The following PTPRD variants were observed in gnomAD, a reference collection of about 807,000 sequenced individuals.
PTPRD encodes the protein protein tyrosine phosphatase receptor type D.
PTPRD carries 34 observed loss-of-function variants against 214.5 expected under a neutral mutation model. The ratio of observed to expected loss-of-function variants is 0.16; its 90% CI spans 0.12 to 0.21. PTPRD has a LOEUF of 0.21. Among genes scored for constraint, PTPRD ranks in the 10% least tolerant of loss-of-function variants. PTPRD has a pLI of 1.00. For synonymous variants in PTPRD, 1,128 were observed against 845.7 expected, an observed-to-expected ratio of 1.33 and a Z score of -5.79; for missense variants, 2,545 against 2,398.7, an observed-to-expected ratio of 1.06 and a Z score of -1.27.
intron 5 of PTPRD, among the ~76,000 whole-genome samples, chr9:9,819,116 A>G (rs1316588734): frequency 6.6e-6 from 1 of 152,028 alleles, no homozygotes. Flanking sequence ...TGATCTACTG[A>G]GCTTGCTGGG....
chr9:8,537,137 A>G (rs1194838699), intron 14 of PTPRD, among the ~76,000 whole-genome samples: 1 of 152,042 alleles, frequency 6.6e-6, no homozygotes, highest in Non-Finnish European at 1.5e-5. Flanking sequence ...TTCAAAGTCA[A>G]TTTTCCTGTA....
chr9:9,169,146 T>C (rs966118718), intron 10 of PTPRD, among the ~76,000 whole-genome samples: 6 of 152,044 alleles, frequency 3.9e-5, no homozygotes, highest in African/African-American at 1.4e-4. Flanking sequence ...GTTTGCTTAA[T>C]AAATCTTATA....
At chr9:9,216,755 T>G (rs1173242654) in intron 9 of PTPRD, among the ~76,000 whole-genome samples, 2 of 152,122 alleles carry the variant, frequency 1.3e-5, no homozygotes, top group Non-Finnish European at 2.9e-5. Flanking sequence ...AACCCTCTCC[T>G]CTTTATTGAA....
intron 4 of PTPRD, among the ~76,000 whole-genome samples, chr9:10,018,010 T>C (rs188134136): frequency 7.2e-4 from 109 of 152,300 alleles, no homozygotes; most frequent in African/African-American, 2.6e-3. Context: ...GTTATTATTT[T>C]TAGTTTTAAC....
chr9:9,023,287 G>T (rs545658154), intron 10 of PTPRD, among the ~76,000 whole-genome samples: 2 of 152,050 alleles, frequency 1.3e-5, no homozygotes, highest in Admixed American at 1.3e-4. Flanking sequence ...ATTTCATTTA[G>T]AATTTTCCAA....
intron 2 of PTPRD, among the ~76,000 whole-genome samples, chr9:10,461,114 T>C (rs1348278580): frequency 1.3e-5 from 2 of 151,798 alleles, no homozygotes; most frequent in East Asian, 1.9e-4. Context: ...AAAGATGACA[T>C]AAAAATGTCT....
chr9:8,799,522 G>T (rs1264248282), intron 11 of PTPRD, among the ~76,000 whole-genome samples: 2 of 152,182 alleles, frequency 1.3e-5, no homozygotes, highest in Non-Finnish European at 1.5e-5. Flanking sequence ...TAGGGAAGAG[G>T]AAGGAAGTGT....
chr9:9,834,979 T>G (rs894753838), intron 5 of PTPRD, among the ~76,000 whole-genome samples: 3 of 152,030 alleles, frequency 2.0e-5, no homozygotes, highest in African/African-American at 7.2e-5. Context: ...TTCACTTTGT[T>G]TTATCTGGTA....
chr9:8,809,941 G>A (rs2096767201), intron 11 of PTPRD, among the ~76,000 whole-genome samples: 1 of 152,162 alleles, frequency 6.6e-6, no homozygotes, highest in Non-Finnish European at 1.5e-5. Flanking sequence ...GCTCCAATTT[G>A]ACACGCTCTT....
At chr9:9,816,877 G>T (rs934639759) in intron 5 of PTPRD, among the ~76,000 whole-genome samples, 3 of 116,096 alleles carry the variant, frequency 2.6e-5, no homozygotes, top group Non-Finnish European at 5.0e-5. Flanking sequence ...ACTAAGGTGA[G>T]AACAAAAATC....
intron 5 of PTPRD, among the ~76,000 whole-genome samples, chr9:9,896,330 T>C (rs995712944): frequency 6.6e-6 from 1 of 152,104 alleles, no homozygotes. Flanking sequence ...AAGATTCAGC[T>C]AGAATGTCAG....
intron 14 of PTPRD, among the ~76,000 whole-genome samples, chr9:8,583,777 A>G (rs1002722607): frequency 1.3e-5 from 2 of 152,208 alleles, no homozygotes; most frequent in African/African-American, 4.8e-5. Context: ...CCTTATTCTG[A>G]AGTATGCATG....
At chr9:9,634,031 A>G (rs2095675975) in intron 7 of PTPRD, among the ~76,000 whole-genome samples, 1 of 152,190 alleles carries the variant, frequency 6.6e-6, no homozygotes, top group African/African-American at 2.4e-5. Flanking sequence ...TAGACAGCAC[A>G]TATCAGATCT....
intron 37 of PTPRD, among the ~76,000 whole-genome samples, chr9:8,377,961 G>A (rs1016081898): frequency 1.4e-4 from 21 of 152,056 alleles, no homozygotes; most frequent in Admixed American, 1.1e-3. Flanking sequence ...AAGAAAGGGA[G>A]AAGTTTTATC....
intron 3 of PTPRD, among the ~76,000 whole-genome samples, chr9:10,044,259 G>A (rs1292806794): frequency 6.6e-6 from 1 of 151,728 alleles, no homozygotes. Context: ...AATACTTTCT[G>A]ATTGAATAAT....
intron 3 of PTPRD, among the ~76,000 whole-genome samples, chr9:10,329,584 C>T (rs1300069030): frequency 2.0e-5 from 3 of 151,810 alleles, no homozygotes; most frequent in Admixed American, 6.6e-5. Context: ...ATCAGTACAT[C>T]GCATGCTTAA....
At chr9:8,354,207 A>T (rs2076402007) in intron 39 of PTPRD, among the ~76,000 whole-genome samples, 1 of 151,768 alleles carries the variant, frequency 6.6e-6, no homozygotes, top group African/African-American at 2.4e-5. Flanking sequence ...TAACTTTTCT[A>T]TTGTAATTAT....
chr9:10,020,250 C>G (rs188601210), intron 4 of PTPRD, among the ~76,000 whole-genome samples: 1 of 152,054 alleles, frequency 6.6e-6, no homozygotes, highest in Non-Finnish European at 1.5e-5. Flanking sequence ...AATTTGGCAC[C>G]GCACAATACT....
chr9:9,414,025 T>C (rs1224952054), intron 8 of PTPRD, among the ~76,000 whole-genome samples: 2 of 152,216 alleles, frequency 1.3e-5, no homozygotes, highest in Non-Finnish European at 2.9e-5. Context: ...CCTTTAGAAA[T>C]GAGTATTGCA....
Sources: allele counts gnomAD v4.1 joint callset (sites outside exome capture counted in the v4.1 genomes callset), GRCh38; gene constraint gnomAD v4.1.1; transcripts MANE v1.5; gene names NCBI Gene and HGNC (gene_info 2026-07-23, HGNC 2026-07-21).